Variants in SRRM3 observed in about 807,000 individuals in gnomAD.
The protein encoded by SRRM3 is serine/arginine repetitive matrix 3.
A neutral mutation model predicts 66.2 loss-of-function variants in SRRM3; 27 were observed. That is an observed-to-expected ratio of 0.41 (90% CI 0.30 to 0.56). The LOEUF (loss-of-function observed/expected upper bound fraction) is 0.56. SRRM3 is among the 20% of genes least tolerant of loss of function. SRRM3 has a pLI of 0.32. For synonymous variants in SRRM3, 391 were observed against 414.9 expected, an observed-to-expected ratio of 0.94 and a Z score of 0.70; for missense variants, 918 against 991.9, an observed-to-expected ratio of 0.93 and a Z score of 1.00.
At chr7:76,265,306 T>TG (rs1220798852) in intron 9 of SRRM3, 58 bp from the exon 10 acceptor site, 12 of 1,358,250 alleles carry the variant, frequency 8.8e-6, no homozygotes, top group Non-Finnish European at 1.2e-5. Flanking sequence ...ACTTGGGGGC[T>TG]GGGGGGATCA....
intron 1 of SRRM3, among the ~76,000 whole-genome samples, chr7:76,231,767 C>CAAAGAAGGAA (rs1801022174): frequency 1.3e-5 from 2 of 152,198 alleles, no homozygotes; most frequent in African/African-American, 4.8e-5. Flanking sequence ...TGCGGAAGCA[C>CAAAGAAGGAA]AAAGAAGGAA....
intron 14 of SRRM3, 142 bp downstream of exon 14, chr7:76,283,243 A>C: frequency 9.4e-6 from 7 of 747,080 alleles, no homozygotes; most frequent in Non-Finnish European, 8.9e-6. Flanking sequence ...AGGGACAATG[A>C]GTGGGTTCTG....
At chr7:76,206,320 G>A (rs1800301126) in intron 1 of SRRM3, among the ~76,000 whole-genome samples, 1 of 152,206 alleles carries the variant, frequency 6.6e-6, no homozygotes, top group Admixed American at 6.5e-5. Context: ...AAGGGAAGGT[G>A]TTTGGGGGGC....
At chr7:76,273,927 C>T (rs782083231) in intron 11 of SRRM3, among the ~76,000 whole-genome samples, 2 of 152,186 alleles carry the variant, frequency 1.3e-5, no homozygotes, top group African/African-American at 4.8e-5. Flanking sequence ...TCCTCCTTCA[C>T]GCCTTCTTTC....
chr7:76,226,499 A>G (rs1483613948), intron 1 of SRRM3, among the ~76,000 whole-genome samples: 2 of 152,266 alleles, frequency 1.3e-5, no homozygotes, highest in Non-Finnish European at 2.9e-5. Context: ...TTGAACTCTA[A>G]GGGTGGCCGG....
chr7:76,263,698 AAAAC>A (rs528752673), intron 8 of SRRM3, among the ~76,000 whole-genome samples: 15 of 151,928 alleles, frequency 9.9e-5, no homozygotes, highest in South Asian at 6.2e-4. Context: ...TGTTTCTACT[AAAAC>A]AAACAAACAA....
At chr7:76,283,239 A>C in intron 14 of SRRM3, 138 bp downstream of exon 14, 1 of 1,053,678 alleles carries the variant, frequency 9.5e-7, no homozygotes, top group Non-Finnish European at 1.3e-6. Flanking sequence ...GCTAAGGGAC[A>C]ATGAGTGGGT....
chr7:76,204,339 C>T (rs1204453531), intron 1 of SRRM3, among the ~76,000 whole-genome samples: 3 of 152,218 alleles, frequency 2.0e-5, no homozygotes, highest in Admixed American at 6.5e-5. Flanking sequence ...CACTCCTACA[C>T]ATACACTGAG....
In SRRM3 at chr7:76,257,644, G is replaced by T. The variant is rs533310911; in HGVS notation, c.336-2262G>T. ...TTTAATTAGTTGGGAGTGGTGGTGT[G>T]CTCCTGTAGTCCCAGCTACTCTGGA... On this transcript the variant is annotated intron_variant, in intron 3 of 14. Transcript: ENST00000611745. Among the ~76,000 whole-genome samples the T allele has an allele frequency of 8.6e-5, 13 of 151,824 alleles. No individual in the cohort carries two copies. In the East Asian group the frequency reaches 2.3e-3, roughly 27 times the overall value.
In SRRM3 at chr7:76,282,715, C is replaced by A; in HGVS notation, c.1438C>A (p.Arg480Ser). The A allele has an allele frequency of 7.0e-7, 1 of 1,425,184 alleles. No homozygotes were observed. Among genetic ancestry groups the A allele is most frequent in the Non-Finnish European group, 9.1e-7 (1 of 1,096,000 alleles). The allele number at this position is 1,425,184 out of a possible 1,614,324, so 88.3% of individuals were successfully genotyped here. A position where few individuals can be genotyped will look rare whatever the true frequency, so the allele number is the denominator to read the frequency against. Reference sequence around the variant, plus strand: ...TCCGTCCCCGGGCGCGCACGGCCGGCGCGGCGGCCCAGAAGGGAAGAGCTC... The same window carrying A: ...TCCGTCCCCGGGCGCGCACGGCCGGAGCGGCGGCCCAGAAGGGAAGAGCTC... The part of the protein sequence containing the change: ...TSPSPGAHGR[R>S]GGPEGKSSSR... The change falls in exon 13 of 15, where the codon CGC (arginine) becomes AGC (serine). Residue 480 changes from arginine to serine, a missense_variant. Arg to Ser is a moderately radical substitution (Grantham distance 110). Coordinates refer to ENST00000611745, the MANE Select transcript of SRRM3 (RefSeq NM_001110199.3).
intron 11 of SRRM3, chr7:76,267,785 G>A (rs1802111878): frequency 8.6e-6 from 2 of 233,746 alleles, no homozygotes; most frequent in Non-Finnish European, 1.6e-5. Context: ...GGCATATTAG[G>A]GTGGGAGGGG....
chr7:76,261,674 C>T, intron 8 of SRRM3, 93 bp downstream of exon 8: 1 of 1,366,498 alleles, frequency 7.3e-7, no homozygotes, highest in Admixed American at 2.0e-5. Flanking sequence ...GAGGGTCCCA[C>T]AGGGCTCCAT....
chr7:76,228,116 C>T (rs1276393066), intron 1 of SRRM3, among the ~76,000 whole-genome samples: 4 of 152,108 alleles, frequency 2.6e-5, no homozygotes, highest in Non-Finnish European at 5.9e-5. Flanking sequence ...GTGATCCACC[C>T]GCCTCTGCCT....
chr7:76,221,694 C>T (rs1800726411), intron 1 of SRRM3, among the ~76,000 whole-genome samples: 1 of 152,202 alleles, frequency 6.6e-6, no homozygotes, highest in Non-Finnish European at 1.5e-5. Flanking sequence ...CTACTGGTCT[C>T]TACTGGTCTG....
At chr7:76,277,716 C>CAAAAAAAAAAAAAAAAA (rs386353056) in intron 11 of SRRM3, among the ~76,000 whole-genome samples, 1 of 102,782 alleles carries the variant, frequency 9.7e-6, no homozygotes, top group Non-Finnish European at 1.8e-5. Context: ...TAAACAACAA[C>CAAAAAAAAAAAAAAAAA]AAAAAAAAAA....
At chr7:76,264,269 C>T (rs1005305718) in intron 8 of SRRM3, among the ~76,000 whole-genome samples, 4 of 151,126 alleles carry the variant, frequency 2.6e-5, no homozygotes, top group African/African-American at 9.8e-5. Context: ...CAGGTTCAAG[C>T]GATTCTCTTG....
In SRRM3 at chr7:76,285,971, C is replaced by T. The variant is rs1802660429; in HGVS notation, c.*128C>T. ...CTACAAAGAGGTCTCAGGGCCAGTG[C>T]ACGGGCAGATGGGACCGGGGAAGAC... On this transcript the variant is annotated 3_prime_UTR_variant, in exon 15 of 15. Transcript: ENST00000611745. This position sits in a 1 kb window ranked among gnomAD's most constrained non-coding sequence, Gnocchi z 4.1. 9.5e-7 allele frequency: 1 copy of T among 1,048,896 alleles called. No homozygotes were observed. The highest frequency in any genetic ancestry group is 1.4e-6 in the Non-Finnish European group (1 of 731,224). 65.0% of individuals were successfully genotyped at this position (1,048,896 alleles called of 1,614,324 possible).
At chr7:76,271,195 G>A (rs1475615808) in intron 11 of SRRM3, among the ~76,000 whole-genome samples, 2 of 151,080 alleles carry the variant, frequency 1.3e-5, no homozygotes, top group Non-Finnish European at 3.0e-5. Context: ...CAGGCAGGGC[G>A]CAGTGGCTCA....
intron 11 of SRRM3, among the ~76,000 whole-genome samples, chr7:76,279,565 G>A (rs533960100): frequency 2.9e-4 from 43 of 150,866 alleles, no homozygotes; most frequent in Admixed American, 9.3e-4. Context: ...GTGTAGGGAG[G>A]GAGACAGGGA....
Sources: allele counts gnomAD v4.1 joint callset (sites outside exome capture counted in the v4.1 genomes callset), GRCh38; gene constraint gnomAD v4.1.1; non-coding constraint Gnocchi (gnomAD v3.1); transcripts MANE v1.5; gene names NCBI Gene and HGNC (gene_info 2026-07-23, HGNC 2026-07-21).